Variants in DOC2B observed in about 807,000 individuals in gnomAD.
The protein encoded by DOC2B is double C2 domain beta, also known as double C2-like domain-containing protein beta.
A neutral mutation model predicts 28.9 loss-of-function variants in DOC2B; 21 were observed. The observed-to-expected ratio is 0.73, with a 90% CI of 0.52 to 1.05. The LOEUF (loss-of-function observed/expected upper bound fraction) is 1.05. Ranked by LOEUF, DOC2B falls within the 50% of genes least tolerant of loss-of-function variation. The pLI is 0.00. For missense variants in DOC2B, 384 were observed against 421.1 expected (o/e 0.91, Z 0.77); for synonymous variants, 194 against 178.1 (o/e 1.09, Z -0.71).
rs1249616885 is a variant in DOC2B, at chr17:145,984, G to A, written c.*1457C>T. The A allele has an allele frequency of 6.6e-5, 10 of 152,510 alleles. No homozygotes were observed. The highest frequency in any genetic ancestry group is 3.9e-4 in the East Asian group (2 of 5,192). 9.4% of individuals were successfully genotyped at this position (152,510 alleles called of 1,614,324 possible). ...TTGGCTCTGCATTTGTTCACCCAGC[G>A]TTCCTGAGGGGCCCTTGGTAGGCAG... On this transcript the variant is annotated 3_prime_UTR_variant, in exon 9 of 9. Transcript: ENST00000613549.
intron 3 of DOC2B, chr17:163,854 G>A (rs1421323201): frequency 7.3e-6 from 3 of 410,792 alleles, no homozygotes; most frequent in Non-Finnish European, 1.3e-5. Context: ...ATGCTGGCCT[G>A]GAAATTCTCC....
chr17:155,934 G>C (rs961332776), intron 6 of DOC2B: 4 of 416,098 alleles, frequency 9.6e-6, no homozygotes, highest in Non-Finnish European at 1.7e-5. Context: ...GCCCCTCCTG[G>C]GCCCCTCAGT....
At chr17:159,051 A>AC (rs1213484109) in intron 5 of DOC2B, among the ~76,000 whole-genome samples, 3 of 151,710 alleles carry the variant, frequency 2.0e-5, no homozygotes, top group Admixed American at 6.6e-5. Flanking sequence ...TAAAAAAAAA[A>AC]AAAAAACAAC....
chr17:151,984 C>A (rs189415539), intron 6 of DOC2B, among the ~76,000 whole-genome samples: 69 of 152,326 alleles, frequency 4.5e-4, no homozygotes, highest in Middle Eastern at 3.4e-3. Flanking sequence ...CCTGAGCATA[C>A]CCTACTCTGG....
chr17:151,386 T>C (rs1263539868), intron 6 of DOC2B, among the ~76,000 whole-genome samples: 2 of 152,214 alleles, frequency 1.3e-5, no homozygotes, highest in Non-Finnish European at 2.9e-5. Context: ...TATTTTGTAA[T>C]CTTTGCAGTA....
intron 3 of DOC2B, among the ~76,000 whole-genome samples, chr17:162,585 A>G (rs1017588717): frequency 6.6e-6 from 1 of 152,250 alleles, no homozygotes; most frequent in African/African-American, 2.4e-5. Flanking sequence ...CGGGCTCCAG[A>G]AGGAATGCAG....
At chr17:151,498 T>A (rs961806230) in intron 6 of DOC2B, among the ~76,000 whole-genome samples, 2 of 152,144 alleles carry the variant, frequency 1.3e-5, no homozygotes, top group Non-Finnish European at 2.9e-5. Flanking sequence ...GCTTGGAATG[T>A]TTGGGGTTTT....
intron 1 of DOC2B, among the ~76,000 whole-genome samples, chr17:173,389 C>T (rs1179285032): frequency 1.3e-5 from 2 of 152,126 alleles, no homozygotes; most frequent in Non-Finnish European, 2.9e-5. Context: ...GGGGGCAGAG[C>T]TTAGTGGCAG....
At position 181,078 on chromosome 17, in the gene DOC2B, G is replaced by T. The variant is rs1266884010; in HGVS notation, c.373+29C>A. 4 of 1,232,640 alleles carry T rather than the reference G, an allele frequency of 3.2e-6. No homozygotes were observed. Among genetic ancestry groups the T allele is most frequent in the Non-Finnish European group, 4.1e-6 (4 of 985,924 alleles). The allele number at this position is 1,232,640 out of a possible 1,614,324, so 76.4% of individuals were successfully genotyped here. On this transcript the variant is annotated intron_variant, in intron 1 of 8. Transcript: ENST00000613549. This position sits in a 1 kb window ranked among gnomAD's most constrained non-coding sequence, Gnocchi z 7.0. ...GGGCCGAGCCCGAGCCAGGGGAGGGGGCGCGAAGTCGGCGCGTGGGAAACT... is the reference window on the plus strand; with the variant it reads ...GGGCCGAGCCCGAGCCAGGGGAGGGTGCGCGAAGTCGGCGCGTGGGAAACT...
At chr17:179,280 C>T (rs145293876) in intron 1 of DOC2B, among the ~76,000 whole-genome samples, 4,347 of 152,264 alleles carry the variant, frequency 0.029, 208 homozygotes, top group African/African-American at 0.099. Flanking sequence ...AGGGGCCCAG[C>T]CCTGCTGCCA....
At chr17:150,299 G>A (rs562410061) in intron 6 of DOC2B, among the ~76,000 whole-genome samples, 10 of 152,248 alleles carry the variant, frequency 6.6e-5, no homozygotes, top group African/African-American at 2.2e-4. Context: ...TCTCACCCAC[G>A]ACCAACTCCC....
At position 181,397 on chromosome 17, in the gene DOC2B, C is replaced by A. The variant is rs1313665647; in HGVS notation, c.83G>T (p.Arg28Leu). The A allele has an allele frequency of 8.6e-7, 1 of 1,166,040 alleles. No homozygotes were observed. The highest frequency in any genetic ancestry group is 4.2e-5 in the Admixed American group (1 of 23,646). 72.2% of individuals were successfully genotyped at this position (1,166,040 alleles called of 1,614,324 possible). A position where few individuals can be genotyped will look rare whatever the true frequency, so the allele number is the denominator to read the frequency against. ...GTAGTCGGAGATCTGCTTGATGGGA[C>A]GGATGGGGCCGGGGCACACGTCGAT... Reference protein sequence around the residue: ...MAIDVCPGPIRPIKQISDYFP... With the variant: ...MAIDVCPGPILPIKQISDYFP... Residue 28 changes from arginine (R) to leucine (L), a missense_variant, in exon 1 of 9, where the codon CGT (arginine) becomes CTT (leucine). Physicochemically the swap from Arg to Leu is moderately radical, Grantham distance 102. Transcript: ENST00000613549. This position sits in a 1 kb window ranked among gnomAD's most constrained non-coding sequence, Gnocchi z 7.0.
At chr17:161,278 T>C in intron 5 of DOC2B, 137 bp downstream of exon 5, 1 of 916,174 alleles carries the variant, frequency 1.1e-6, no homozygotes, top group Non-Finnish European at 1.7e-6. Flanking sequence ...CCCCCTTGAC[T>C]CTCCATGCTC....
chr17:153,566 T>C (rs368475623), intron 6 of DOC2B, among the ~76,000 whole-genome samples: 1 of 152,112 alleles, frequency 6.6e-6, no homozygotes, highest in East Asian at 1.9e-4. Flanking sequence ...CCTGGCGTGG[T>C]GGCGCATGCC....
intron 5 of DOC2B, among the ~76,000 whole-genome samples, 161 bp from the exon 6 acceptor site, chr17:156,538 C>G (rs2040138166): frequency 2.0e-5 from 3 of 152,210 alleles, no homozygotes; most frequent in Admixed American, 2.0e-4. Context: ...CTTCTGTCAT[C>G]TCTTCCCTCC....
At chr17:147,868 G>A (rs1365663762) in intron 8 of DOC2B, among the ~76,000 whole-genome samples, 21 of 152,204 alleles carry the variant, frequency 1.4e-4, no homozygotes, top group African/African-American at 2.7e-4. Flanking sequence ...CCCACTATGC[G>A]CAGCCACCAG....
At position 143,869 on chromosome 17, in the gene DOC2B, T is replaced by G; in HGVS notation, c.*3572A>C. On this transcript the variant is annotated 3_prime_UTR_variant, in exon 9 of 9. Transcript: ENST00000613549. ...ATGGCAGCAAAACGGGGTTAAGCAG[T>G]GCACGAGAGTCTGCGTCGACGACAG... 6.6e-6 allele frequency: 1 copy of G among 152,316 alleles called. No homozygotes were observed. 9.4% of individuals were successfully genotyped at this position (152,316 alleles called of 1,614,324 possible).
rs1436380518 is a variant in DOC2B at position 143,994 on chromosome 17, T to C, written c.*3447A>G. The C allele has an allele frequency of 7.0e-6, 1 of 142,468 alleles. No homozygotes were observed. The highest frequency in any genetic ancestry group is 1.5e-5 in the Non-Finnish European group (1 of 65,856). 8.8% of individuals were successfully genotyped at this position (142,468 alleles called of 1,614,324 possible). On this transcript the variant is annotated 3_prime_UTR_variant, in exon 9 of 9. Transcript: ENST00000613549. ...GCGGGCGGACGGGCCGGGGCGCAGT[T>C]CCCCGCGCTCGCCACTAGAGGTCAG...
chr17:177,024 C>T (rs2040377433), intron 1 of DOC2B, among the ~76,000 whole-genome samples: 1 of 135,084 alleles, frequency 7.4e-6, no homozygotes, highest in Admixed American at 8.3e-5. Flanking sequence ...GGAAATCTGC[C>T]CTGATTTTTT....
Sources: gnomAD v4.1 joint callset for allele counts (sites outside exome capture counted in the v4.1 genomes callset) on GRCh38, gnomAD v4.1.1 for gene constraint, Gnocchi (gnomAD v3.1) non-coding constraint, MANE v1.5 for transcripts, NCBI Gene and HGNC (gene_info 2026-07-23, HGNC 2026-07-21) for gene names.